Variants in PPP3CA observed in about 807,000 individuals in gnomAD.
PPP3CA encodes the protein protein phosphatase 3 catalytic subunit alpha.
PPP3CA carries 14 observed loss-of-function variants against 66.5 expected under a neutral mutation model. That is an observed-to-expected ratio of 0.21 (90% CI 0.14 to 0.33). The LOEUF is 0.33. Ranked by LOEUF, PPP3CA falls within the 10% of genes least tolerant of loss-of-function variation. The pLI is 1.00. For synonymous variants in PPP3CA, 232 were observed against 226.2 expected, an observed-to-expected ratio of 1.03 and a Z score of -0.23; for missense variants, 317 against 639.5, an observed-to-expected ratio of 0.50 and a Z score of 5.44.
intron 2 of PPP3CA, among the ~76,000 whole-genome samples, chr4:101,141,138 G>C (rs1251829671): frequency 6.6e-6 from 1 of 152,134 alleles, no homozygotes; most frequent in Non-Finnish European, 1.5e-5. Context: ...GGGAGGCCGA[G>C]GTGGGTGGAT....
Position 101,108,969 on chromosome 4 carries a change from C to A in PPP3CA, c.369G>T (p.Gly123=), listed in dbSNP as rs2110263454. 1.9e-6 allele frequency: 3 copies of A among 1,613,500 alleles called. No homozygotes were observed. Among genetic ancestry groups the A allele is most frequent in the Non-Finnish European group, 2.5e-6 (3 of 1,179,608 alleles). Reference sequence around the variant, plus strand: ...GTAGACTTACTTCAATACTGAAGTACCCTCTGTCAACATAGTCCCCTAAGA... The same window carrying A: ...GTAGACTTACTTCAATACTGAAGTAACCTCTGTCAACATAGTCCCCTAAGA... ...YLFLGDYVDR[G]YFSIECVLYL... is the part of the protein sequence containing the mutation. The change falls in exon 3 of 14, where the codon GGG becomes GGT. Residue 123 remains glycine, a synonymous_variant. Transcript: ENST00000394854.
intron 1 of PPP3CA, among the ~76,000 whole-genome samples, chr4:101,249,164 C>A (rs1726590784): frequency 3.1e-5 from 1 of 32,302 alleles, no homozygotes; most frequent in South Asian, 7.5e-4. Context: ...GAGACTCTGT[C>A]TCAAAAAAAA....
intron 1 of PPP3CA, among the ~76,000 whole-genome samples, chr4:101,257,009 G>C (rs1409384979): frequency 6.6e-6 from 1 of 151,972 alleles, no homozygotes; most frequent in African/African-American, 2.4e-5. Context: ...AGTAGGGAAG[G>C]GGTGGGATTA....
At chr4:101,107,870 G>A (rs889446456) in intron 3 of PPP3CA, among the ~76,000 whole-genome samples, 2 of 152,054 alleles carry the variant, frequency 1.3e-5, no homozygotes, top group African/African-American at 2.4e-5. Context: ...CTTTAATTAA[G>A]AATAATCATT....
intron 1 of PPP3CA, among the ~76,000 whole-genome samples, chr4:101,322,455 G>A (rs1729069333): frequency 1.4e-5 from 2 of 147,764 alleles, no homozygotes; most frequent in Admixed American, 6.8e-5. Context: ...CTGTCACCCA[G>A]GCTGGAGTGC....
chr4:101,292,586 A>C (rs1728063859), intron 1 of PPP3CA, among the ~76,000 whole-genome samples: 1 of 152,210 alleles, frequency 6.6e-6, no homozygotes, highest in South Asian at 2.1e-4. Context: ...CTATATACAG[A>C]AGCCTCTATG....
chr4:101,024,880 C>G lies in PPP3CA; in HGVS notation c.*985G>C, dbSNP rs1023462542. 6.6e-6 allele frequency: 1 copy of G among 151,970 alleles called. No individual in the cohort carries two copies. Among genetic ancestry groups the G allele is most frequent in the African/African-American group, 2.4e-5 (1 of 41,214 alleles). The allele number at this position is 151,970 out of a possible 1,614,324, so 9.4% of individuals were successfully genotyped here. A position where few individuals can be genotyped will look rare whatever the true frequency, so the allele number is the denominator to read the frequency against. The stretch of plus-strand genomic sequence containing the variant: ...TTCCAGTATATGTCAGACCACTAAG[C>G]GCATTACAGTCCCATACAGGCCGAT... On this transcript the variant is annotated 3_prime_UTR_variant, in exon 14 of 14. Coordinates refer to ENST00000394854, the MANE Select transcript of PPP3CA (RefSeq NM_000944.5).
chr4:101,095,468 T>C (rs1730153934), intron 5 of PPP3CA, among the ~76,000 whole-genome samples: 1 of 152,198 alleles, frequency 6.6e-6, no homozygotes, highest in Non-Finnish European at 1.5e-5. Context: ...AATCATTTTC[T>C]GGCCATGTGC....
At chr4:101,346,574 GGGGGTTCGC>G (rs1323921539) in intron 1 of PPP3CA, among the ~76,000 whole-genome samples, 156 bp downstream of exon 1, 5 of 152,146 alleles carry the variant, frequency 3.3e-5, no homozygotes, top group Admixed American at 1.3e-4. Flanking sequence ...CGCGGGGGCG[GGGGGTTCGC>G]GGGGTTCGCG....
intron 10 of PPP3CA, among the ~76,000 whole-genome samples, chr4:101,058,760 G>GTAA (rs1728332935): frequency 6.6e-6 from 1 of 152,154 alleles, no homozygotes; most frequent in Non-Finnish European, 1.5e-5. Flanking sequence ...TAAGCACAGG[G>GTAA]TTAGTCTTGG....
Position 101,025,806 on chromosome 4 carries a change from C to CA in PPP3CA, c.*58dup. 1 of 1,311,490 alleles carries CA rather than the reference C, an allele frequency of 7.6e-7. No homozygotes were observed. The highest frequency in any genetic ancestry group is 1.6e-5 in the South Asian group (1 of 64,468). The allele number at this position is 1,311,490 out of a possible 1,614,324, so 81.2% of individuals were successfully genotyped here. A position where few individuals can be genotyped will look rare whatever the true frequency, so the allele number is the denominator to read the frequency against. On this transcript the variant is annotated 3_prime_UTR_variant, in exon 14 of 14. Transcript: ENST00000394854. The stretch of plus-strand genomic sequence containing the variant: ...ACTGCTGATATGCAGCAATCCCCAT[C>CA]ATGCCCCGCAGCTCAAAAAAAAAAA...
intron 1 of PPP3CA, among the ~76,000 whole-genome samples, chr4:101,297,377 T>C (rs561647451): frequency 3.4e-4 from 52 of 152,172 alleles, no homozygotes; most frequent in Admixed American, 7.2e-4. Flanking sequence ...TCATAATCAT[T>C]TACCATGTCC....
intron 11 of PPP3CA, among the ~76,000 whole-genome samples, chr4:101,033,059 T>C (rs1727058775): frequency 6.6e-6 from 1 of 152,144 alleles, no homozygotes; most frequent in African/African-American, 2.4e-5. Flanking sequence ...AGTACATCAT[T>C]ATTTTAATTA....
intron 10 of PPP3CA, among the ~76,000 whole-genome samples, chr4:101,049,528 A>G (rs1316142634): frequency 6.6e-6 from 1 of 152,134 alleles, no homozygotes; most frequent in African/African-American, 2.4e-5. Context: ...CTAAAAGGGA[A>G]GCAGTCATAA....
At chr4:101,238,409 CAATT>C (rs1578582737) in intron 1 of PPP3CA, among the ~76,000 whole-genome samples, 3 of 151,230 alleles carry the variant, frequency 2.0e-5, no homozygotes, top group Non-Finnish European at 2.9e-5. Context: ...GGTTTTTTTA[CAATT>C]AATATAAGAA....
intron 1 of PPP3CA, among the ~76,000 whole-genome samples, chr4:101,319,290 T>C (rs1728970601): frequency 6.6e-6 from 1 of 152,080 alleles, no homozygotes; most frequent in Admixed American, 6.5e-5. Flanking sequence ...ACTCTTACTA[T>C]ACTATTTACA....
At chr4:101,027,997 T>A (rs908187640) in intron 13 of PPP3CA, among the ~76,000 whole-genome samples, 2 of 152,156 alleles carry the variant, frequency 1.3e-5, no homozygotes, top group African/African-American at 4.8e-5. Flanking sequence ...AGATTAGAAT[T>A]TGCCAAGAGG....
intron 1 of PPP3CA, among the ~76,000 whole-genome samples, chr4:101,229,610 T>C (rs1725895278): frequency 6.6e-6 from 1 of 151,370 alleles, no homozygotes; most frequent in Admixed American, 6.6e-5. Flanking sequence ...TTTGGCAGTA[T>C]GGTATTGGGT....
At chr4:101,154,857 C>A (rs1259430874) in intron 2 of PPP3CA, among the ~76,000 whole-genome samples, 1 of 134,542 alleles carries the variant, frequency 7.4e-6, no homozygotes, top group Non-Finnish European at 1.5e-5. Context: ...CACTCTGTCA[C>A]CCAAGCTGGA....
Sources: allele counts gnomAD v4.1 joint callset (sites outside exome capture counted in the v4.1 genomes callset), GRCh38; gene constraint gnomAD v4.1.1; transcripts MANE v1.5; gene names NCBI Gene and HGNC (gene_info 2026-07-23, HGNC 2026-07-21).